The following JMJD1C variants were observed in gnomAD, a reference collection of about 807,000 sequenced individuals.
JMJD1C encodes the protein jumonji domain-containing protein 1C.
In JMJD1C, 31 loss-of-function variants were observed where a neutral mutation model predicts 245.3. That is an observed-to-expected ratio of 0.13 (90% CI 0.09 to 0.17). The LOEUF (loss-of-function observed/expected upper bound fraction) is 0.17, where lower values mean the gene tolerates loss of function less well. Among genes scored for constraint, JMJD1C ranks in the 10% least tolerant of loss-of-function variants. JMJD1C has a pLI of 1.00. For missense variants in JMJD1C, 2,691 were observed against 3,000.2 expected (o/e 0.90, Z 2.41); for synonymous variants, 1,057 against 1,017.4 (o/e 1.04, Z -0.74).
chr10:63,325,621 A>G (rs1411165790), intron 2 of JMJD1C, among the ~76,000 whole-genome samples: 1 of 152,226 alleles, frequency 6.6e-6, no homozygotes, highest in Non-Finnish European at 1.5e-5. Context: ...TCAAAAAAGG[A>G]GTAAATACAA....
chr10:63,486,146 AAAAAAAAAAAAAAAAAAAAAAAC>A (rs1464604371), intron 1 of JMJD1C, among the ~76,000 whole-genome samples: 1 of 71,048 alleles, frequency 1.4e-5, no homozygotes, highest in African/African-American at 4.0e-5. Context: ...GTAAAAAAAA[AAAAAAAAAAAAAAAAAAAAAAAC>A]AAAAAACAGA....
chr10:63,338,748 A>T (rs1471782016), intron 2 of JMJD1C, among the ~76,000 whole-genome samples: 1 of 145,780 alleles, frequency 6.9e-6, no homozygotes, highest in Non-Finnish European at 1.5e-5. Flanking sequence ...TCCTGGGTTC[A>T]AGCGATCCTC....
At chr10:63,434,457 A>G (rs533573194) in intron 1 of JMJD1C, among the ~76,000 whole-genome samples, 1 of 152,290 alleles carries the variant, frequency 6.6e-6, no homozygotes, top group Admixed American at 6.5e-5. Flanking sequence ...AGTCAAGGAG[A>G]TAAGGCTAGA....
intron 1 of JMJD1C, among the ~76,000 whole-genome samples, chr10:63,452,622 T>C (rs1952140340): frequency 1.3e-5 from 2 of 152,180 alleles, no homozygotes; most frequent in South Asian, 2.1e-4. Flanking sequence ...TAAATAGATA[T>C]GCTGATATTC....
intron 8 of JMJD1C, among the ~76,000 whole-genome samples, chr10:63,210,994 G>A (rs1847253027): frequency 6.6e-6 from 1 of 152,194 alleles, no homozygotes; most frequent in Non-Finnish European, 1.5e-5. Context: ...TGCTGGTGCA[G>A]AATCAACTGT....
At chr10:63,419,259 C>T (rs192938351) in intron 1 of JMJD1C, among the ~76,000 whole-genome samples, 5 of 151,590 alleles carry the variant, frequency 3.3e-5, no homozygotes, top group South Asian at 2.1e-4. Flanking sequence ...TGGTGGCAGG[C>T]GCCTGTAATT....
chr10:63,362,252 AT>A (rs1262570048), intron 2 of JMJD1C, among the ~76,000 whole-genome samples: 1 of 151,324 alleles, frequency 6.6e-6, no homozygotes, highest in Non-Finnish European at 1.5e-5. Context: ...AAAAAAAAAA[AT>A]CACTAGTTTG....
upstream of JMJD1C, chr10:63,466,138 G>C (rs987373176): frequency 5.9e-6 from 1 of 168,290 alleles, no homozygotes; most frequent in Non-Finnish European, 1.2e-5. Flanking sequence ...TCCAGATCCA[G>C]AGGCGGCGGC....
At chr10:63,316,728 G>A (rs1032301162) in intron 2 of JMJD1C, among the ~76,000 whole-genome samples, 3 of 152,054 alleles carry the variant, frequency 2.0e-5, no homozygotes, top group Non-Finnish European at 4.4e-5. Context: ...GATCACAGGC[G>A]TGAGCCACCA....
At chr10:63,235,764 T>C (rs1189085605) in intron 3 of JMJD1C, among the ~76,000 whole-genome samples, 1 of 152,276 alleles carries the variant, frequency 6.6e-6, no homozygotes. Context: ...CAAAGGTCTG[T>C]CTAATGTCAA....
At chr10:63,428,357 T>C (rs1054080029) in intron 1 of JMJD1C, among the ~76,000 whole-genome samples, 2 of 152,178 alleles carry the variant, frequency 1.3e-5, no homozygotes, top group African/African-American at 4.8e-5. Context: ...TGACAAAAGA[T>C]CAATTAACGA....
rs73292322 is a variant in JMJD1C at position 63,289,251 on chromosome 10, A to C, written c.334-24487T>G. The stretch of plus-strand genomic sequence containing the variant: ...AAATCATTGTACTTCTACTCAGTTC[A>C]TTCTTTTCATAGTCATGTAACAAGA... On this transcript the variant is annotated intron_variant, in intron 2 of 25. Transcript: ENST00000399262. Among the ~76,000 whole-genome samples, 505 of 152,296 alleles carry C rather than the reference A, an allele frequency of 3.3e-3. 3 individuals carry two copies. The highest frequency in any genetic ancestry group is 0.011 in the African/African-American group (463 of 41,564).
chr10:63,202,863 C>T (rs187706929), intron 10 of JMJD1C: 406 of 978,226 alleles, frequency 4.2e-4, no homozygotes, highest in Admixed American at 1.3e-3. Context: ...ATTTGGAACA[C>T]TTGCTTCTAA....
intron 10 of JMJD1C, chr10:63,205,044 T>C (rs1846435371): frequency 4.1e-6 from 4 of 984,810 alleles, no homozygotes; most frequent in Non-Finnish European, 2.4e-6. Context: ...TAAAAAGAAA[T>C]AAGCAAACTG....
intron 1 of JMJD1C, among the ~76,000 whole-genome samples, chr10:63,449,280 T>C (rs1951894006): frequency 6.6e-6 from 1 of 152,116 alleles, no homozygotes; most frequent in Admixed American, 6.5e-5. Flanking sequence ...AATCTAAAAG[T>C]GAAATTCTGT....
chr10:63,302,544 C>G (rs1860227941), intron 2 of JMJD1C, among the ~76,000 whole-genome samples: 2 of 152,206 alleles, frequency 1.3e-5, no homozygotes, highest in South Asian at 4.1e-4. Flanking sequence ...TTTATCTTCA[C>G]AGACAGCTAA....
intron 3 of JMJD1C, among the ~76,000 whole-genome samples, chr10:63,229,238 C>T (rs1045162223): frequency 2.0e-5 from 3 of 151,974 alleles, no homozygotes; most frequent in Admixed American, 2.0e-4. Context: ...TCTCCGTATA[C>T]AAAATTTCAT....
chr10:63,340,086 C>A (rs1010680333), intron 2 of JMJD1C, among the ~76,000 whole-genome samples: 1 of 151,924 alleles, frequency 6.6e-6, no homozygotes, highest in African/African-American at 2.4e-5. Context: ...GTAAATTACA[C>A]ATATATAGGT....
At chr10:63,416,386 T>C (rs1949805283) in intron 1 of JMJD1C, among the ~76,000 whole-genome samples, 1 of 151,874 alleles carries the variant, frequency 6.6e-6, no homozygotes, top group African/African-American at 2.4e-5. Flanking sequence ...GTCAGCTGAA[T>C]TGCAATCCGT....
Sources: allele counts gnomAD v4.1 joint callset (sites outside exome capture counted in the v4.1 genomes callset), GRCh38; gene constraint gnomAD v4.1.1; transcripts MANE v1.5; gene names NCBI Gene and HGNC (gene_info 2026-07-23, HGNC 2026-07-21).